Variants in SEM1 observed in about 807,000 individuals in gnomAD.
SEM1 encodes 26S proteasome complex subunit SEM1.
Under a neutral mutation model 12.7 loss-of-function variants are expected in SEM1, and 3 were observed. The observed-to-expected ratio is 0.24, with a 90% CI of 0.11 to 0.61. The LOEUF is 0.61. Among genes scored for constraint, SEM1 ranks in the 20% least tolerant of loss-of-function variants. The probability of loss-of-function intolerance (pLI) is 0.88; values close to 1 mark genes in which losing one functional copy is unlikely to be tolerated. For synonymous variants in SEM1, 30 were observed against 27.8 expected (o/e 1.08, Z -0.25); for missense variants, 59 against 81.3 (o/e 0.73, Z 1.06).
intron 2 of SEM1, among the ~76,000 whole-genome samples, chr7:96,583,880 G>A (rs1288875334): frequency 6.6e-6 from 1 of 150,770 alleles, no homozygotes; most frequent in African/African-American, 2.4e-5. Context: ...ACGTGAGATG[G>A]GTTTCCTGAA....
At chr7:96,528,115 G>T (rs1804526774) in intron 2 of SEM1, among the ~76,000 whole-genome samples, 2 of 152,212 alleles carry the variant, frequency 1.3e-5, no homozygotes, top group South Asian at 4.1e-4. Flanking sequence ...ATGTATAGAA[G>T]TTTTGTGCAG....
intron 2 of SEM1, among the ~76,000 whole-genome samples, chr7:96,612,018 T>C (rs2116240124): frequency 6.6e-6 from 1 of 152,256 alleles, no homozygotes; most frequent in South Asian, 2.1e-4. Context: ...CATAGTATAA[T>C]TTCTAGCATA....
At chr7:96,536,081 T>G (rs777714862) in intron 2 of SEM1, among the ~76,000 whole-genome samples, 1 of 151,904 alleles carries the variant, frequency 6.6e-6, no homozygotes, top group Non-Finnish European at 1.5e-5. Flanking sequence ...CCACCAACAG[T>G]GTATAAGCAT....
intron 2 of SEM1, among the ~76,000 whole-genome samples, chr7:96,566,788 C>G (rs898453003): frequency 4.0e-5 from 6 of 151,474 alleles, no homozygotes; most frequent in African/African-American, 1.5e-4. Flanking sequence ...GTGATTAAAT[C>G]TCTGATATTT....
At chr7:96,538,353 T>C (rs1322114660) in intron 2 of SEM1, among the ~76,000 whole-genome samples, 4 of 151,878 alleles carry the variant, frequency 2.6e-5, no homozygotes, top group Admixed American at 2.6e-4. Context: ...GTTTGCCTTT[T>C]ATATGCTTTG....
rs543556018 is a variant in SEM1 at position 96,704,253 on chromosome 7, A to T, written c.76+5435T>A. On this transcript the variant is annotated intron_variant, in intron 1 of 2. Transcript: ENST00000248566. The stretch of plus-strand genomic sequence containing the variant: ...CAATTTATAAATACATTCTGGAAGG[A>T]TACTAAAGAAAAAAACATTTAACGT... Among the ~76,000 whole-genome samples, 283 of 152,258 alleles carry T rather than the reference A, an allele frequency of 1.9e-3. 1 individual carries two copies. Among genetic ancestry groups the T allele is most frequent in the South Asian group, 3.5e-3 (17 of 4,820 alleles).
intron 2 of SEM1, among the ~76,000 whole-genome samples, chr7:96,681,015 G>A (rs888200818): frequency 2.6e-5 from 4 of 152,098 alleles, no homozygotes; most frequent in African/African-American, 9.7e-5. Context: ...TTAAGAGGAT[G>A]AGGAGGGCAA....
At chr7:96,526,452 C>T (rs958392100) in intron 2 of SEM1, among the ~76,000 whole-genome samples, 4 of 151,972 alleles carry the variant, frequency 2.6e-5, no homozygotes, top group African/African-American at 9.7e-5. Flanking sequence ...GAGAGGAAGG[C>T]ATAGAAACAA....
chr7:96,534,466 G>A lies in SEM1; in HGVS notation c.171-27768C>T, dbSNP rs553653858. 2.6e-5 allele frequency among the ~76,000 whole-genome samples: 4 copies of A among 152,140 alleles called. No individual in the cohort carries two copies. The East Asian group carries it at 7.8e-4, about 29-fold the overall frequency. Reference sequence around the variant, plus strand: ...TGCATGATGTTACAAAATCAGACATGGGTAAAAGGTCCATTCGAAGTGCAA... The same window carrying A: ...TGCATGATGTTACAAAATCAGACATAGGTAAAAGGTCCATTCGAAGTGCAA... On this transcript the variant is annotated intron_variant and NMD_transcript_variant, in intron 2 of 3. Transcript: ENST00000466986.
chr7:96,670,336 T>C (rs1223862521), downstream of SEM1, among the ~76,000 whole-genome samples: 1 of 152,124 alleles, frequency 6.6e-6, no homozygotes, highest in African/African-American at 2.4e-5. Context: ...TACTTAGCTT[T>C]GGGAAAAACA....
chr7:96,521,041 A>C (rs1308436306), intron 2 of SEM1, among the ~76,000 whole-genome samples: 1 of 151,864 alleles, frequency 6.6e-6, no homozygotes, highest in East Asian at 1.9e-4. Flanking sequence ...AAAACCTCAC[A>C]AAAAAAAGGG....
chr7:96,640,155 C>T lies in SEM1; in HGVS notation c.171-17512G>A, dbSNP rs1212924762. Among the ~76,000 whole-genome samples, 1 of 151,922 alleles carries T rather than the reference C, an allele frequency of 6.6e-6. No individual in the cohort carries two copies. Among genetic ancestry groups the T allele is most frequent in the Non-Finnish European group, 1.5e-5 (1 of 67,902 alleles). On this transcript the variant is annotated intron_variant, in intron 2 of 2. Transcript: ENST00000417009. The surrounding 1 kb of genome is among the most constrained non-coding windows in gnomAD (Gnocchi z 4.0). ...AAAATGGAACAGCCACTTTGGGAGA[C>T]AGTTTGGTGGATTCTTACAAAACTA...
At chr7:96,574,647 G>A (rs1806148251) in intron 2 of SEM1, among the ~76,000 whole-genome samples, 1 of 152,056 alleles carries the variant, frequency 6.6e-6, no homozygotes. Context: ...TTTCTTGGAG[G>A]CTTTATTCAT....
At chr7:96,660,373 C>T (rs1335096556) in intron 2 of SEM1, among the ~76,000 whole-genome samples, 5 of 152,144 alleles carry the variant, frequency 3.3e-5, no homozygotes, top group Non-Finnish European at 7.4e-5. Flanking sequence ...ACACATTTCT[C>T]TCAATTCTTG....
At chr7:96,485,080 C>A (rs1182189882) in intron 2 of SEM1, among the ~76,000 whole-genome samples, 1 of 152,152 alleles carries the variant, frequency 6.6e-6, no homozygotes, top group Non-Finnish European at 1.5e-5. Flanking sequence ...ACTTTGAGGT[C>A]CTCCAAATAC....
chr7:96,507,616 G>C (rs1159757160), intron 2 of SEM1, among the ~76,000 whole-genome samples: 2 of 152,078 alleles, frequency 1.3e-5, no homozygotes. Flanking sequence ...TGTGGATGAT[G>C]GCTACTATCC....
intron 2 of SEM1, among the ~76,000 whole-genome samples, chr7:96,590,321 T>C (rs2116131235): frequency 6.6e-6 from 1 of 152,318 alleles, no homozygotes; most frequent in Admixed American, 6.5e-5. Flanking sequence ...AAATAGTTCA[T>C]TTTTATTAGA....
rs554571778 is a variant in SEM1 at position 96,513,676 on chromosome 7, A to G, written c.171-6978T>C. ...AAACCCCATCTCTACCAAAAATACA[A>G]GAATCAGCTGGGCATGATGGTGTGC... is the stretch of plus-strand genomic sequence containing the variant. On this transcript the variant is annotated intron_variant and NMD_transcript_variant, in intron 2 of 3. Transcript: ENST00000466986. 5.3e-5 allele frequency among the ~76,000 whole-genome samples: 8 copies of G among 152,192 alleles called. No homozygotes were observed. The East Asian group carries it at 1.4e-3, about 26-fold the overall frequency.
chr7:96,487,071 T>C lies in SEM1; in HGVS notation c.13-654A>G, dbSNP rs544573144. On this transcript the variant is annotated intron_variant, in intron 1 of 3. Transcript: ENST00000356686. Reference sequence around the variant, plus strand: ...CGCTGGAGCTGGGAGAGTCCAAGCCTGGTAAAAATGACAACATGCATCTGC... The same window carrying C: ...CGCTGGAGCTGGGAGAGTCCAAGCCCGGTAAAAATGACAACATGCATCTGC... Among the ~76,000 whole-genome samples, 78 of 140,088 alleles carry C rather than the reference T, an allele frequency of 5.6e-4. 1 individual carries two copies. The highest frequency in any genetic ancestry group is 1.0e-3 in the Non-Finnish European group (68 of 67,970). The allele number at this position is 140,088 out of a possible 152,430, so 91.9% of individuals were successfully genotyped here.
Sources: allele counts gnomAD v4.1 joint callset (sites outside exome capture counted in the v4.1 genomes callset), GRCh38; gene constraint gnomAD v4.1.1; non-coding constraint Gnocchi (gnomAD v3.1); transcripts MANE v1.5; gene names NCBI Gene and HGNC (gene_info 2026-07-23, HGNC 2026-07-21).